Variants in RSAD2 observed in about 807,000 individuals in gnomAD.
RSAD2 encodes radical S-adenosyl methionine domain containing 2.
In RSAD2, 38 loss-of-function variants were observed where a neutral mutation model predicts 37.7. The ratio of observed to expected loss-of-function variants is 1.01; its 90% CI spans 0.78 to 1.32. The LOEUF (loss-of-function observed/expected upper bound fraction) is 1.32, where lower values mean the gene tolerates loss of function less well. Ranked by LOEUF, RSAD2 falls within the 40% of genes most tolerant of loss-of-function variation. RSAD2 has a pLI of 0.00. For synonymous variants in RSAD2, 163 were observed against 157.4 expected (o/e 1.04, Z -0.27); for missense variants, 428 against 437.5 (o/e 0.98, Z 0.19).
upstream of RSAD2, among the ~76,000 whole-genome samples, chr2:6,874,676 G>A (rs1005836365): frequency 1.2e-5 from 1 of 81,100 alleles, no homozygotes; most frequent in Non-Finnish European, 2.4e-5. Flanking sequence ...TTAAAATGTT[G>A]GTTCTACACT....
At chr2:6,884,481 GAA>G (rs1663476324) in intron 2 of RSAD2, among the ~76,000 whole-genome samples, 1 of 152,192 alleles carries the variant, frequency 6.6e-6, no homozygotes, top group African/African-American at 2.4e-5. Flanking sequence ...CTCAGAGAGA[GAA>G]AAAAGAAACT....
chr2:6,868,285 C>G (rs1336218880), intron 1 of RSAD2, among the ~76,000 whole-genome samples: 2 of 151,922 alleles, frequency 1.3e-5, no homozygotes, highest in Non-Finnish European at 2.9e-5. Flanking sequence ...TGAAAAAGAG[C>G]TTAGTTTTTG....
At chr2:6,876,239 C>T (rs1030845372), upstream of RSAD2, among the ~76,000 whole-genome samples, 10 of 152,198 alleles carry the variant, frequency 6.6e-5, no homozygotes, top group Non-Finnish European at 1.3e-4. Context: ...TTCCAGCCGG[C>T]TTCCCCTGCA....
chr2:6,873,435 C>T (rs1450434838), upstream of RSAD2, among the ~76,000 whole-genome samples: 4 of 152,288 alleles, frequency 2.6e-5, no homozygotes, highest in Admixed American at 2.6e-4. Context: ...TGCAAATGGG[C>T]TTTCCATAAG....
chr2:6,872,116 T>C (rs1277539138), intron 1 of RSAD2, among the ~76,000 whole-genome samples: 1 of 152,188 alleles, frequency 6.6e-6, no homozygotes, highest in Non-Finnish European at 1.5e-5. Flanking sequence ...TGTTTTGTAA[T>C]ATGTTTACTT....
chr2:6,880,612 C>T (rs1663379841), intron 1 of RSAD2, among the ~76,000 whole-genome samples: 1 of 152,082 alleles, frequency 6.6e-6, no homozygotes, highest in South Asian at 2.1e-4. Context: ...CCTCAACCTC[C>T]CTCTGTGCTC....
At chr2:6,873,891 C>T (rs1663240801), upstream of RSAD2, among the ~76,000 whole-genome samples, 2 of 151,998 alleles carry the variant, frequency 1.3e-5, no homozygotes, top group Admixed American at 6.6e-5. Flanking sequence ...ATATGTGTTC[C>T]AAATTGCATG....
chr2:6,886,175 C>T (rs1663515165), intron 2 of RSAD2, among the ~76,000 whole-genome samples: 1 of 152,130 alleles, frequency 6.6e-6, no homozygotes, highest in African/African-American at 2.4e-5. Flanking sequence ...AATATCTGTA[C>T]TTAAGAGATA....
chr2:6,883,276 A>G (rs1408550752), intron 1 of RSAD2, 95 bp from the exon 2 acceptor site: 3 of 1,388,634 alleles, frequency 2.2e-6, no homozygotes, highest in Non-Finnish European at 3.0e-6. Flanking sequence ...AGAAAGTTTT[A>G]TTTCTTTTTT....
chr2:6,886,992 T>C lies in RSAD2; in HGVS notation c.566T>C (p.Val189Ala). 1 of 1,614,220 alleles carries C rather than the reference T, an allele frequency of 6.2e-7. No homozygotes were observed. Among genetic ancestry groups the C allele is most frequent in the Non-Finnish European group, 8.5e-7 (1 of 1,180,028 alleles). Residue 189 changes from valine to alanine, a missense_variant, in exon 3 of 6, where the codon GTC (valine) becomes GCC (alanine). Physicochemically the swap from Val to Ala is moderately conservative, Grantham distance 64 (BLOSUM62 0). Transcript: ENST00000382040. ...SCDSFDEEVN[V>A]LIGRGQGKKN... ...GACAGCTTTGACGAGGAAGTCAATG[T>C]CCTTATTGGCCGTGGCCAAGGAAAG...
intron 5 of RSAD2, among the ~76,000 whole-genome samples, chr2:6,895,358 A>G (rs1004475322): frequency 6.6e-6 from 1 of 152,250 alleles, no homozygotes; most frequent in Admixed American, 6.5e-5. Context: ...TTACTATTCC[A>G]GAAACACCGT....
intron 1 of RSAD2, 129 bp downstream of exon 1, chr2:6,878,275 C>A: frequency 1.4e-6 from 1 of 708,094 alleles, no homozygotes; most frequent in Non-Finnish European, 2.3e-6. Flanking sequence ...TTTACCCTTG[C>A]ATGGTGAGCA....
upstream of RSAD2, among the ~76,000 whole-genome samples, chr2:6,872,964 C>A (rs1248789666): frequency 6.6e-6 from 1 of 152,174 alleles, no homozygotes; most frequent in African/African-American, 2.4e-5. Context: ...GTTTCTGTTT[C>A]TGGCATATTT....
At chr2:6,883,328 G>C in intron 1 of RSAD2, 43 bp from the exon 2 acceptor site, 1 of 1,574,142 alleles carries the variant, frequency 6.4e-7, no homozygotes, top group Non-Finnish European at 8.7e-7. Context: ...AAATAATAAT[G>C]TATATTTGTG....
chr2:6,865,910 G>A (rs2103231648), exon 1 of RSAD2: 2 of 1,409,898 alleles, frequency 1.4e-6, no homozygotes, highest in Non-Finnish European at 1.9e-6. Flanking sequence ...CGAGATGTGC[G>A]CGATAAACGG....
intron 4 of RSAD2, among the ~76,000 whole-genome samples, chr2:6,892,310 T>C (rs1053069285): frequency 3.9e-5 from 6 of 152,184 alleles, no homozygotes; most frequent in African/African-American, 1.4e-4. Flanking sequence ...AATCTCAGAA[T>C]GAAGGACAGG....
intron 1 of RSAD2, among the ~76,000 whole-genome samples, chr2:6,868,766 G>GATAC (rs1266255232): frequency 1.3e-5 from 2 of 152,168 alleles, no homozygotes; most frequent in East Asian, 3.9e-4. Context: ...AGCTACCTTT[G>GATAC]AGGGAAGAGT....
intron 4 of RSAD2, among the ~76,000 whole-genome samples, chr2:6,892,638 A>C (rs954269576): frequency 7.2e-5 from 11 of 152,160 alleles, no homozygotes; most frequent in African/African-American, 2.4e-4. Context: ...AGTTTGTTTC[A>C]AACTTCATCA....
chr2:6,868,374 A>G (rs1663144452), intron 1 of RSAD2, among the ~76,000 whole-genome samples: 1 of 152,230 alleles, frequency 6.6e-6, no homozygotes, highest in Non-Finnish European at 1.5e-5. Flanking sequence ...CAGAATAGGA[A>G]TAAATGAGAT....
Sources: gnomAD v4.1 joint callset for allele counts (sites outside exome capture counted in the v4.1 genomes callset) on GRCh38, gnomAD v4.1.1 for gene constraint, MANE v1.5 for transcripts, NCBI Gene and HGNC (gene_info 2026-07-23, HGNC 2026-07-21) for gene names.